Variants in CACNA1E observed in about 807,000 individuals in gnomAD.
The protein encoded by CACNA1E is voltage-dependent R-type calcium channel subunit alpha-1E.
A neutral mutation model predicts 259.2 loss-of-function variants in CACNA1E; 40 were observed. That is an observed-to-expected ratio of 0.15 (90% confidence interval 0.12 to 0.20). The LOEUF is 0.20. Among genes scored for constraint, CACNA1E ranks in the 10% least tolerant of loss-of-function variants. CACNA1E has a pLI of 1.00. For synonymous variants in CACNA1E, 1,104 were observed against 1,138.5 expected (o/e 0.97, Z 0.61); for missense variants, 1,874 against 3,040.1 (o/e 0.62, Z 9.02).
chr1:181,622,693 C>T (rs1435866506), intron 6 of CACNA1E, among the ~76,000 whole-genome samples: 6 of 152,152 alleles, frequency 3.9e-5, no homozygotes, highest in Non-Finnish European at 8.8e-5. Flanking sequence ...GGAGTTATGG[C>T]CTTGGGGTGA....
At chr1:181,719,389 A>G (rs1031066123) in intron 12 of CACNA1E, among the ~76,000 whole-genome samples, 5 of 152,184 alleles carry the variant, frequency 3.3e-5, no homozygotes, top group African/African-American at 1.2e-4. Flanking sequence ...GAGAATGTAG[A>G]CCTTCTCTGA....
chr1:181,477,758 G>A (rs1662961109), intron 2 of CACNA1E, among the ~76,000 whole-genome samples: 1 of 152,180 alleles, frequency 6.6e-6, no homozygotes, highest in Non-Finnish European at 1.5e-5. Context: ...TGTTACCGTG[G>A]TCACAGCTAC....
intron 3 of CACNA1E, among the ~76,000 whole-genome samples, chr1:181,564,100 T>C (rs1351791801): frequency 6.6e-6 from 1 of 152,206 alleles, no homozygotes; most frequent in African/African-American, 2.4e-5. Flanking sequence ...TGCTGGTTGC[T>C]AAAGGGTGGA....
chr1:181,463,717 G>GT (rs1034876430), intron 2 of CACNA1E, among the ~76,000 whole-genome samples: 3 of 152,084 alleles, frequency 2.0e-5, no homozygotes, highest in African/African-American at 7.2e-5. Context: ...GATAGAATTC[G>GT]TGAGTTGTCA....
chr1:181,424,822 C>T (rs912020231), intron 2 of CACNA1E, among the ~76,000 whole-genome samples: 25 of 152,036 alleles, frequency 1.6e-4, no homozygotes, highest in Admixed American at 1.2e-3. Context: ...CAAGCCGGAT[C>T]GGCCCGTTCT....
At chr1:181,738,453 C>T in intron 24 of CACNA1E, 27 bp downstream of exon 24, 2 of 1,599,198 alleles carry the variant, frequency 1.3e-6, no homozygotes, top group Non-Finnish European at 1.7e-6. Context: ...AAAACCTGGG[C>T]TCTTGGGTTT....
chr1:181,696,814 G>A (rs1474365367), intron 7 of CACNA1E, among the ~76,000 whole-genome samples: 1 of 152,194 alleles, frequency 6.6e-6, no homozygotes, highest in Non-Finnish European at 1.5e-5. Context: ...AAAAAGATCA[G>A]TGTTTATTGG....
Position 181,435,927 on chromosome 1 carries a change from TG to T in CACNA1E, c.434+22348del, listed in dbSNP as rs572786510. 5.1e-3 allele frequency among the ~76,000 whole-genome samples: 522 copies of T among 101,906 alleles called. 3 individuals carry two copies. Among genetic ancestry groups the T allele is most frequent in the Non-Finnish European group, 6.8e-3 (344 of 50,928 alleles). The allele number at this position is 101,906 out of a possible 152,430, so 66.9% of individuals were successfully genotyped here. On this transcript the variant is annotated intron_variant, in intron 2 of 11. Transcript: ENST00000524607. ...AGCTTTAAAACATCTGTTATCCAAG[TG>T]AAGTGATGACTCACAGAGAAAATAT...
Position 181,796,837 on chromosome 1 carries a change from G to A in CACNA1E, c.6378G>A (p.Arg2126=), listed in dbSNP as rs1185171614. The A allele has an allele frequency of 6.2e-6, 10 of 1,602,860 alleles. No individual in the cohort carries two copies. Among genetic ancestry groups the A allele is most frequent in the Non-Finnish European group, 6.8e-6 (8 of 1,174,330 alleles). The change falls in exon 47 of 48, where the codon AGG becomes AGA. Residue 2126 remains arginine, a synonymous_variant. Transcript: ENST00000367573. ...RRQSRSPSEG[R]SQTPNRQGTG... is the part of the protein sequence containing the mutation. ...AATCCAGGTCACCCAGTGAGGGCAG[G>A]TCACAGACGCCCAACAGACAGGTGA...
In CACNA1E at chr1:181,793,782, G is replaced by A; in HGVS notation, c.6016G>A (p.Val2006Met). 1 of 1,611,454 alleles carries A rather than the reference G, an allele frequency of 6.2e-7. No homozygotes were observed. Among genetic ancestry groups the A allele is most frequent in the Non-Finnish European group, 8.5e-7 (1 of 1,179,382 alleles). Residue 2006 changes from valine to methionine, a missense_variant, in exon 45 of 48, where the codon GTG (valine) becomes ATG (methionine). Physicochemically the swap from Val to Met is conservative, Grantham distance 21. Around this residue, in one of 14 missense-constraint regions of CACNA1E, gnomAD observed 542 missense variants for 587.2 expected, o/e 0.92. Transcript: ENST00000367573. ...GGCATCTTCTATGCCACGTCTGACT[G>A]TGGATCCCCAGGTAAAAAGCAACCA... ...GRASSMPRLT[V>M]DPQVVTDPSS...
chr1:181,632,363 G>A (rs542264889), intron 6 of CACNA1E, among the ~76,000 whole-genome samples: 1 of 152,118 alleles, frequency 6.6e-6, no homozygotes, highest in Non-Finnish European at 1.5e-5. Context: ...TTTATTCCAA[G>A]TGCTGCCACT....
intron 8 of CACNA1E, among the ~76,000 whole-genome samples, chr1:181,712,012 A>G (rs957662134): frequency 2.0e-5 from 3 of 152,166 alleles, no homozygotes; most frequent in Admixed American, 2.0e-4. Flanking sequence ...CCATCTAGGG[A>G]GGAGATAATG....
intron 1 of CACNA1E, among the ~76,000 whole-genome samples, chr1:181,318,310 C>T (rs34576838): frequency 0.22 from 33,212 of 152,046 alleles, 4,123 homozygotes; most frequent in Non-Finnish European, 0.29. Context: ...CCTCTGCACG[C>T]GCTGCCTGTT....
At chr1:181,592,630 A>G (rs1652772733) in intron 6 of CACNA1E, among the ~76,000 whole-genome samples, 1 of 152,108 alleles carries the variant, frequency 6.6e-6, no homozygotes, top group Non-Finnish European at 1.5e-5. Flanking sequence ...TGACTTTGAA[A>G]TGCTCTTAAA....
intron 3 of CACNA1E, among the ~76,000 whole-genome samples, chr1:181,567,049 C>T (rs555700271): frequency 3.3e-5 from 5 of 152,242 alleles, no homozygotes; most frequent in African/African-American, 9.6e-5. Context: ...ACAACATCTT[C>T]TTCTTAGTGT....
intron 6 of CACNA1E, among the ~76,000 whole-genome samples, chr1:181,637,780 A>G (rs2101981315): frequency 6.6e-6 from 1 of 152,136 alleles, no homozygotes; most frequent in East Asian, 1.9e-4. Context: ...GGAGTGACTG[A>G]CTCTGGGAAG....
chr1:181,749,033 A>T (rs1285895511), intron 25 of CACNA1E, among the ~76,000 whole-genome samples: 1 of 152,210 alleles, frequency 6.6e-6, no homozygotes, highest in African/African-American at 2.4e-5. Context: ...AAGGTTTATA[A>T]GGCCTTGGGT....
At chr1:181,547,397 T>C (rs935350321) in intron 3 of CACNA1E, among the ~76,000 whole-genome samples, 2 of 152,244 alleles carry the variant, frequency 1.3e-5, no homozygotes, top group Non-Finnish European at 2.9e-5. Flanking sequence ...TATCCTCTCC[T>C]CTTTCCTGTG....
intron 2 of CACNA1E, among the ~76,000 whole-genome samples, chr1:181,425,531 T>TC (rs1201398954): frequency 0.055 from 3,196 of 57,680 alleles, 90 homozygotes; most frequent in African/African-American, 0.14. Context: ...ACACCCCCGC[T>TC]CCCCCCCCCG....
Sources: allele counts gnomAD v4.1 joint callset (sites outside exome capture counted in the v4.1 genomes callset), GRCh38; gene constraint gnomAD v4.1.1; regional missense constraint gnomAD v4.1.1; transcripts MANE v1.5; gene names NCBI Gene and HGNC (gene_info 2026-07-23, HGNC 2026-07-21).